The following ATP11B variants were observed in gnomAD, a reference collection of about 807,000 sequenced individuals.
ATP11B encodes the protein ATPase phospholipid transporting 11B (putative), also known as phospholipid-transporting ATPase IF.
Under a neutral mutation model 157.8 loss-of-function variants are expected in ATP11B, and 81 were observed. The ratio of observed to expected loss-of-function variants is 0.51; its 90% CI spans 0.43 to 0.62. The LOEUF is 0.62. Among genes scored for constraint, ATP11B ranks in the 20% least tolerant of loss-of-function variants. ATP11B has a pLI of 0.00. For missense variants in ATP11B, 1,165 were observed against 1,402.2 expected, an observed-to-expected ratio of 0.83 and a Z score of 2.70; for synonymous variants, 451 against 469.4, an observed-to-expected ratio of 0.96 and a Z score of 0.51.
intron 19 of ATP11B, among the ~76,000 whole-genome samples, chr3:182,879,255 T>A (rs1260638953): frequency 1.3e-5 from 2 of 152,130 alleles, no homozygotes; most frequent in Non-Finnish European, 2.9e-5. Flanking sequence ...AAGACCCTGT[T>A]TCACAAAAAA....
intron 26 of ATP11B, 94 bp downstream of exon 26, chr3:182,896,859 T>C (rs887329363): frequency 5.0e-6 from 4 of 793,130 alleles, no homozygotes; most frequent in Middle Eastern, 2.5e-4. Context: ...ATACTTTCCC[T>C]TTTTCCATTT....
intron 29 of ATP11B, 102 bp from the exon 30 acceptor site, chr3:182,917,917 GAATC>G (rs1560140125): frequency 6.8e-6 from 10 of 1,464,082 alleles, no homozygotes; most frequent in Non-Finnish European, 9.0e-6. Flanking sequence ...GTATTTAAAT[GAATC>G]AATCAGTGAT....
chr3:182,865,556 G>T lies in ATP11B; in HGVS notation c.1301G>T (p.Gly434Val). ...INGMKYQEINGRLVPEGPTPD... is the reference protein window; with the variant it reads ...INGMKYQEINVRLVPEGPTPD... ...GGCATGAAATACCAAGAAATTAATG[G>T]TAGACTTGTACCCGAAGGACCAACA... Residue 434 changes from glycine to valine, a missense_variant, in exon 13 of 30, where the codon GGT becomes GTT. Physicochemically the swap from Gly to Val is moderately radical, Grantham distance 109 (BLOSUM62 -3). Around this residue, in one of 4 missense-constraint regions of ATP11B, gnomAD observed 737 missense variants for 930.5 expected, o/e 0.79. Coordinates refer to ENST00000323116, the MANE Select transcript of ATP11B (RefSeq NM_014616.3). 3 of 1,613,822 alleles carry T rather than the reference G, an allele frequency of 1.9e-6. No homozygotes were observed. Among genetic ancestry groups the T allele is most frequent in the Non-Finnish European group, 2.5e-6 (3 of 1,179,860 alleles).
At chr3:182,864,485 T>C (rs1368839299) in intron 12 of ATP11B, among the ~76,000 whole-genome samples, 1 of 152,114 alleles carries the variant, frequency 6.6e-6, no homozygotes, top group Non-Finnish European at 1.5e-5. Flanking sequence ...TATCAAATGC[T>C]TTTTCTGTAC....
Position 182,912,962 on chromosome 3 carries a change from C to A in ATP11B, c.3319-899C>A, listed in dbSNP as rs552112161. Among the ~76,000 whole-genome samples, 5 of 151,940 alleles carry A rather than the reference C, an allele frequency of 3.3e-5. No homozygotes were observed. The East Asian group carries it at 9.7e-4, about 29-fold the overall frequency. On this transcript the variant is annotated intron_variant, in intron 28 of 29. Transcript: ENST00000323116. ...TTCGGAGCATCTTTGACAAACAAAA[C>A]CAGGGTTGGGATTCATCGAGCTACG...
chr3:182,802,226 C>A (rs1219582343), intron 1 of ATP11B, among the ~76,000 whole-genome samples: 2 of 152,196 alleles, frequency 1.3e-5, no homozygotes, highest in Non-Finnish European at 2.9e-5. Context: ...ACTACTGCTA[C>A]CTCTTACCTA....
intron 28 of ATP11B, among the ~76,000 whole-genome samples, chr3:182,912,239 A>G (rs923723303): frequency 4.6e-5 from 7 of 152,114 alleles, no homozygotes; most frequent in African/African-American, 1.7e-4. Flanking sequence ...CTGAATATGA[A>G]TGATCCTCCT....
chr3:182,914,262 G>C lies in ATP11B; in HGVS notation c.3452+268G>C, dbSNP rs186032284. 3.3e-6 allele frequency: 4 copies of C among 1,225,330 alleles called. No homozygotes were observed. The East Asian group carries it at 1.8e-4, about 55-fold the overall frequency. The allele number at this position is 1,225,330 out of a possible 1,614,324, so 75.9% of individuals were successfully genotyped here. A position where few individuals can be genotyped will look rare whatever the true frequency, so the allele number is the denominator to read the frequency against. On this transcript the variant is annotated intron_variant, in intron 29 of 29. Coordinates refer to ENST00000323116, the MANE Select transcript of ATP11B (RefSeq NM_014616.3). ...TTGTTTCATAATCTTTCTAAAATGT[G>C]CTCAGTAGGAGTGTGTTTATGGTAC...
chr3:182,824,578 A>G (rs1717592290), intron 2 of ATP11B, among the ~76,000 whole-genome samples: 1 of 152,230 alleles, frequency 6.6e-6, no homozygotes, highest in African/African-American at 2.4e-5. Context: ...CTTTGTCAAT[A>G]GTGGAAACTG....
intron 3 of ATP11B, 57 bp from the exon 4 acceptor site, chr3:182,829,615 A>G: frequency 1.7e-6 from 2 of 1,158,152 alleles, no homozygotes; most frequent in Non-Finnish European, 2.5e-6. Flanking sequence ...AGATGTTAAT[A>G]GTGTGATGTG....
chr3:182,863,671 T>C (rs1203019995), intron 12 of ATP11B, among the ~76,000 whole-genome samples: 1 of 152,016 alleles, frequency 6.6e-6, no homozygotes, highest in Non-Finnish European at 1.5e-5. Flanking sequence ...ATGACCTGTT[T>C]ATCATGAAAG....
At chr3:182,898,920 G>A in intron 28 of ATP11B, 148 bp downstream of exon 28, 1 of 502,004 alleles carries the variant, frequency 2.0e-6, no homozygotes, top group South Asian at 8.6e-5. Context: ...TGTTCAGTGT[G>A]ATATTTTTGA....
In ATP11B at chr3:182,913,773, G is replaced by A. The variant is rs188563099; in HGVS notation, c.3319-88G>A. 31 of 1,597,636 alleles carry A rather than the reference G, an allele frequency of 1.9e-5. No individual in the cohort carries two copies. In the African/African-American group the frequency reaches 3.3e-4, roughly 17 times the overall value. Reference sequence around the variant, plus strand: ...ATGTAGGTTTATATATGTTACCTTTGATTTGAAAGTGCTTGTTGTAATGTT... The same window carrying A: ...ATGTAGGTTTATATATGTTACCTTTAATTTGAAAGTGCTTGTTGTAATGTT... On this transcript the variant is annotated intron_variant, in intron 28 of 29. Coordinates refer to ENST00000323116, the MANE Select transcript of ATP11B (RefSeq NM_014616.3).
intron 1 of ATP11B, among the ~76,000 whole-genome samples, chr3:182,818,880 C>T (rs1717131296): frequency 6.8e-6 from 1 of 146,530 alleles, no homozygotes; most frequent in Non-Finnish European, 1.5e-5. Flanking sequence ...TTAATAACTG[C>T]TTAGTAGTAC....
intron 19 of ATP11B, among the ~76,000 whole-genome samples, chr3:182,879,117 A>G (rs961154939): frequency 3.3e-5 from 5 of 152,138 alleles, no homozygotes; most frequent in Non-Finnish European, 5.9e-5. Context: ...TACTAAAATA[A>G]CAAAAATTAG....
At chr3:182,898,969 G>C (rs1723758747) in intron 28 of ATP11B, among the ~76,000 whole-genome samples, 197 bp downstream of exon 28, 1 of 151,654 alleles carries the variant, frequency 6.6e-6, no homozygotes, top group African/African-American at 2.4e-5. Flanking sequence ...TATGACTACT[G>C]ATAAGTTATT....
At chr3:182,889,342 TATTAA>T in intron 24 of ATP11B, 63 bp from the exon 25 acceptor site, 1 of 1,104,538 alleles carries the variant, frequency 9.1e-7, no homozygotes, top group South Asian at 1.5e-5. Context: ...TATCATATTA[TATTAA>T]TTGTTTAGTG....
At chr3:182,822,244 A>G (rs1717406469) in intron 2 of ATP11B, among the ~76,000 whole-genome samples, 2 of 151,874 alleles carry the variant, frequency 1.3e-5, no homozygotes, top group South Asian at 4.2e-4. Flanking sequence ...CATTAGGTAT[A>G]TCTCCTAATG....
intron 1 of ATP11B, among the ~76,000 whole-genome samples, chr3:182,797,631 G>A (rs575817658): frequency 2.0e-5 from 3 of 152,174 alleles, no homozygotes; most frequent in South Asian, 4.1e-4. Context: ...TCACTTGAAC[G>A]TGGGAGGCAA....
Sources: allele counts gnomAD v4.1 joint callset (sites outside exome capture counted in the v4.1 genomes callset), GRCh38; gene constraint gnomAD v4.1.1; regional missense constraint gnomAD v4.1.1; transcripts MANE v1.5; gene names NCBI Gene and HGNC (gene_info 2026-07-23, HGNC 2026-07-21).